The following GRM7 variants were observed in gnomAD, a reference collection of about 807,000 sequenced individuals.
GRM7 encodes the protein metabotropic glutamate receptor 7.
Under a neutral mutation model 84.5 loss-of-function variants are expected in GRM7, and 35 were observed. The observed-to-expected ratio is 0.41, with a 90% CI of 0.32 to 0.55. GRM7 has a LOEUF of 0.55. Among genes scored for constraint, GRM7 ranks in the 20% least tolerant of loss-of-function variants. GRM7 has a pLI of 0.19. For missense variants in GRM7, 1,003 were observed against 1,194.6 expected (o/e 0.84, Z 2.36); for synonymous variants, 487 against 455.1 (o/e 1.07, Z -0.89).
In GRM7 at chr3:7,622,937, T is replaced by TG. The variant is rs112738265; in HGVS notation, c.2451+43586dup. On this transcript the variant is annotated intron_variant, in intron 8 of 9. Coordinates refer to ENST00000357716, the MANE Select transcript of GRM7 (RefSeq NM_000844.4). Reference sequence around the variant, plus strand: ...AGCTGAAGGAGGTTCCAGGGGAAAGTGGGGGGTTGCAGGCCCAGAAGATAA... The same window carrying TG: ...AGCTGAAGGAGGTTCCAGGGGAAAGTGGGGGGGTTGCAGGCCCAGAAGATAA... Among the ~76,000 whole-genome samples, 1,000 of 152,008 alleles carry TG rather than the reference T, an allele frequency of 6.6e-3. 6 individuals are homozygous for TG. Among genetic ancestry groups the TG allele is most frequent in the Middle Eastern group, 0.037 (11 of 294 alleles).
At chr3:7,558,822 C>G (rs182599298) in intron 7 of GRM7, among the ~76,000 whole-genome samples, 2 of 152,190 alleles carry the variant, frequency 1.3e-5, no homozygotes, top group East Asian at 3.9e-4. Context: ...GAACTGTTGA[C>G]ATGGTAACTG....
intron 7 of GRM7, among the ~76,000 whole-genome samples, chr3:7,491,960 G>A (rs79886621): frequency 0.096 from 14,573 of 152,094 alleles, 863 homozygotes; most frequent in South Asian, 0.16. Flanking sequence ...AAGGAGTGAC[G>A]ATGAAATCAT....
chr3:7,287,441 G>C (rs1699469441), intron 2 of GRM7, among the ~76,000 whole-genome samples: 2 of 152,150 alleles, frequency 1.3e-5, no homozygotes, highest in Non-Finnish European at 2.9e-5. Context: ...TAACAACTCA[G>C]TCGATCTTCT....
intron 5 of GRM7, among the ~76,000 whole-genome samples, chr3:7,449,796 A>G (rs1478043005): frequency 1.3e-5 from 2 of 152,176 alleles, no homozygotes; most frequent in Non-Finnish European, 2.9e-5. Context: ...CTCACATTGC[A>G]TAACAAAATA....
Position 7,103,749 on chromosome 3 carries a change from C to CCTTTCTTTCTTT in GRM7, c.520-42644_520-42633dup, listed in dbSNP as rs55840104. Among the ~76,000 whole-genome samples, 109 of 96,716 alleles carry CCTTTCTTTCTTT rather than the reference C, an allele frequency of 1.1e-3. 1 individual carries two copies. The highest frequency in any genetic ancestry group is 1.4e-3 in the South Asian group (4 of 2,768). The allele number at this position is 96,716 out of a possible 152,430, so 63.4% of individuals were successfully genotyped here. ...CTCTCTTTTTCTCTTTCTCTCTCTCCCTTTCTTTCTTTCTTTCTTTCTTTC... is the reference window on the plus strand; with the variant it reads ...CTCTCTTTTTCTCTTTCTCTCTCTCCCTTTCTTTCTTTCTTTCTTTCTTTCTTTCTTTCTTTC... On this transcript the variant is annotated intron_variant, in intron 1 of 9. Coordinates refer to ENST00000357716, the MANE Select transcript of GRM7 (RefSeq NM_000844.4).
At chr3:7,186,529 A>G (rs1026569139) in intron 2 of GRM7, among the ~76,000 whole-genome samples, 1 of 152,234 alleles carries the variant, frequency 6.6e-6, no homozygotes, top group African/African-American at 2.4e-5. Context: ...GAATAAGGCC[A>G]GGGCATAATT....
At chr3:7,347,898 G>T (rs937116537) in intron 4 of GRM7, among the ~76,000 whole-genome samples, 1 of 152,194 alleles carries the variant, frequency 6.6e-6, no homozygotes, top group African/African-American at 2.4e-5. Flanking sequence ...CCTCAATTCT[G>T]ATCTTTTATC....
At chr3:7,298,979 A>T (rs1263802343) in intron 3 of GRM7, among the ~76,000 whole-genome samples, 154 bp downstream of exon 3, 2 of 152,154 alleles carry the variant, frequency 1.3e-5, no homozygotes, top group Non-Finnish European at 2.9e-5. Context: ...CAACACATAC[A>T]GTGGTAGCAT....
chr3:7,256,240 A>T (rs528151872), intron 2 of GRM7, among the ~76,000 whole-genome samples: 1 of 152,176 alleles, frequency 6.6e-6, no homozygotes, highest in African/African-American at 2.4e-5. Flanking sequence ...TTTTATTTAT[A>T]AGTTTATAGT....
intron 7 of GRM7, among the ~76,000 whole-genome samples, chr3:7,532,819 A>AT (rs1468960758): frequency 2.1e-4 from 31 of 150,384 alleles, no homozygotes; most frequent in Non-Finnish European, 4.1e-4. Context: ...AAAAAAAAAA[A>AT]AAAGCAGGGG....
chr3:7,552,140 A>G (rs1411816172), intron 7 of GRM7, among the ~76,000 whole-genome samples: 1 of 152,222 alleles, frequency 6.6e-6, no homozygotes, highest in Non-Finnish European at 1.5e-5. Context: ...TACAGGCCCC[A>G]TGTAAGTCTG....
At chr3:7,110,402 A>G (rs911984783) in intron 1 of GRM7, among the ~76,000 whole-genome samples, 3 of 152,072 alleles carry the variant, frequency 2.0e-5, no homozygotes, top group African/African-American at 7.2e-5. Flanking sequence ...GGAGTTTAAG[A>G]CCAGCCTGGC....
At chr3:7,509,721 A>T (rs565475774) in intron 7 of GRM7, among the ~76,000 whole-genome samples, 49 of 152,308 alleles carry the variant, frequency 3.2e-4, no homozygotes, top group Non-Finnish European at 5.9e-4. Flanking sequence ...TAGAGAAGGC[A>T]GCCACAACTC....
At chr3:7,438,900 G>T (rs1697170398) in intron 5 of GRM7, among the ~76,000 whole-genome samples, 1 of 152,124 alleles carries the variant, frequency 6.6e-6, no homozygotes, top group South Asian at 2.1e-4. Context: ...AGGGGCAAGA[G>T]TTTAATTGTA....
At chr3:7,198,309 T>G (rs989413075) in intron 2 of GRM7, among the ~76,000 whole-genome samples, 1 of 152,088 alleles carries the variant, frequency 6.6e-6, no homozygotes, top group African/African-American at 2.4e-5. Flanking sequence ...CTGATTTCAT[T>G]TATGTGAAAT....
At chr3:7,370,916 A>T (rs1329667101) in intron 4 of GRM7, among the ~76,000 whole-genome samples, 1 of 152,172 alleles carries the variant, frequency 6.6e-6, no homozygotes, top group Non-Finnish European at 1.5e-5. Flanking sequence ...GAAATTCAGG[A>T]TTCAGTAAAT....
chr3:7,056,971 C>G (rs1010753472), intron 1 of GRM7, among the ~76,000 whole-genome samples: 9 of 151,798 alleles, frequency 5.9e-5, no homozygotes, highest in African/African-American at 2.2e-4. Context: ...CTTTAATTTT[C>G]TAAATCATTC....
intron 1 of GRM7, among the ~76,000 whole-genome samples, chr3:6,995,996 G>A (rs186815338): frequency 9.5e-4 from 145 of 152,184 alleles, no homozygotes; most frequent in African/African-American, 3.2e-3. Flanking sequence ...TCATGAAAAC[G>A]CATCCAGCCA....
At chr3:7,682,880 A>T (rs1016158338) in intron 9 of GRM7, among the ~76,000 whole-genome samples, 1 of 152,012 alleles carries the variant, frequency 6.6e-6, no homozygotes, top group African/African-American at 2.4e-5. Context: ...TGTCCCACTT[A>T]CTCCTCACAG....
Sources: gnomAD v4.1 joint callset for allele counts (sites outside exome capture counted in the v4.1 genomes callset) on GRCh38, gnomAD v4.1.1 for gene constraint, MANE v1.5 for transcripts, NCBI Gene and HGNC (gene_info 2026-07-23, HGNC 2026-07-21) for gene names.